The following NUDCD3 variants were observed in gnomAD, a reference collection of about 807,000 sequenced individuals.
The protein encoded by NUDCD3 is NudC domain containing 3, also known as nudC domain-containing protein 3.
In NUDCD3, 13 loss-of-function variants were observed where a neutral mutation model predicts 39.7. The ratio of observed to expected loss-of-function variants is 0.33; its 90% CI spans 0.21 to 0.52. The LOEUF (loss-of-function observed/expected upper bound fraction) is 0.52. Ranked by LOEUF, NUDCD3 falls within the 20% of genes least tolerant of loss-of-function variation. The pLI, the probability that NUDCD3 is intolerant of heterozygous loss-of-function variation, is 0.96. For synonymous variants in NUDCD3, 175 were observed against 172.4 expected (o/e 1.02, Z -0.12); for missense variants, 453 against 458.1 (o/e 0.99, Z 0.10).
intron 3 of NUDCD3, among the ~76,000 whole-genome samples, chr7:44,423,217 T>C (rs1053935084): frequency 6.6e-6 from 1 of 152,212 alleles, no homozygotes; most frequent in African/African-American, 2.4e-5. Context: ...AAGCACTGCC[T>C]TTGAAAAGCG....
At chr7:44,425,447 T>C (rs1799215830) in intron 3 of NUDCD3, among the ~76,000 whole-genome samples, 3 of 152,244 alleles carry the variant, frequency 2.0e-5, no homozygotes, top group African/African-American at 2.4e-5. Context: ...ATTTAAATTA[T>C]GTAATGTCCC....
At chr7:44,436,433 C>T (rs1799465240) in intron 2 of NUDCD3, among the ~76,000 whole-genome samples, 1 of 152,106 alleles carries the variant, frequency 6.6e-6, no homozygotes, top group Non-Finnish European at 1.5e-5. Flanking sequence ...TTTGTCTTGG[C>T]TATACAACTA....
chr7:44,461,404 T>C (rs572404979), intron 2 of NUDCD3, among the ~76,000 whole-genome samples: 5 of 152,274 alleles, frequency 3.3e-5, no homozygotes, highest in African/African-American at 1.2e-4. Flanking sequence ...GATGGGAGGA[T>C]AGAAGGGCAA....
At chr7:44,449,956 G>A (rs1009879586) in intron 2 of NUDCD3, among the ~76,000 whole-genome samples, 68 of 151,482 alleles carry the variant, frequency 4.5e-4, no homozygotes, top group Non-Finnish European at 2.9e-4. Context: ...AAGACTGGGA[G>A]AAAATATTTG....
intron 3 of NUDCD3, among the ~76,000 whole-genome samples, chr7:44,417,924 A>G (rs1799058100): frequency 6.6e-6 from 1 of 152,202 alleles, no homozygotes; most frequent in Non-Finnish European, 1.5e-5. Flanking sequence ...TTGAGCACAC[A>G]GCTACTTGCT....
chr7:44,461,880 TG>T (rs1301652795), intron 2 of NUDCD3, among the ~76,000 whole-genome samples: 1 of 152,074 alleles, frequency 6.6e-6, no homozygotes, highest in Non-Finnish European at 1.5e-5. Flanking sequence ...GAAGGGGTCC[TG>T]GAAGGCAAGG....
chr7:44,478,984 A>C (rs1052802180), intron 2 of NUDCD3, among the ~76,000 whole-genome samples: 13 of 152,250 alleles, frequency 8.5e-5, no homozygotes, highest in African/African-American at 3.1e-4. Context: ...GGGAGGCCTC[A>C]GAAAACTTAC....
intron 4 of NUDCD3, among the ~76,000 whole-genome samples, chr7:44,396,982 A>T (rs1798637523): frequency 6.6e-6 from 1 of 152,074 alleles, no homozygotes. Flanking sequence ...TTATTTTTTT[A>T]AAGTCAAGTT....
At chr7:44,397,671 A>G (rs184865420) in intron 4 of NUDCD3, among the ~76,000 whole-genome samples, 41 of 152,318 alleles carry the variant, frequency 2.7e-4, no homozygotes, top group African/African-American at 9.4e-4. Context: ...AGACACCCAT[A>G]CAAGTGTTTA....
chr7:44,399,139 G>A (rs1393083897), intron 4 of NUDCD3, among the ~76,000 whole-genome samples: 1 of 152,184 alleles, frequency 6.6e-6, no homozygotes. Context: ...TGAAACGAGG[G>A]TGCCCAGCAC....
intron 3 of NUDCD3, among the ~76,000 whole-genome samples, chr7:44,425,272 C>T (rs912397079): frequency 2.0e-5 from 3 of 151,980 alleles, no homozygotes; most frequent in Non-Finnish European, 4.4e-5. Context: ...AACAAACCTG[C>T]ATGTTCAGCA....
chr7:44,398,667 C>A (rs551578561), intron 4 of NUDCD3, among the ~76,000 whole-genome samples: 1 of 152,230 alleles, frequency 6.6e-6, no homozygotes, highest in Non-Finnish European at 1.5e-5. Context: ...AGTAACGGAA[C>A]CTCATTTCTA....
rs1473039389 is a variant in NUDCD3, at chr7:44,490,495, G to A, written c.106C>T (p.Arg36Cys). The change falls in exon 1 of 6, where the codon CGC becomes TGC. Residue 36 changes from arginine (R) to cysteine (C), a missense_variant. By Grantham distance (180) the Arg-to-Cys change is radical. Coordinates refer to ENST00000355451, the MANE Select transcript of NUDCD3 (RefSeq NM_015332.4). ...FLRVLFGFLY[R>C]KTDFYRLLRH... The stretch of plus-strand genomic sequence containing the variant: ...AGCAAGCGATAGAAGTCTGTCTTGC[G>A]GTAGAGGAAGCCAAAGAGAACGCGC... 6.2e-7 allele frequency: 1 copy of A among 1,609,820 alleles called. No homozygotes were observed. Among genetic ancestry groups the A allele is most frequent in the Non-Finnish European group, 8.5e-7 (1 of 1,178,386 alleles).
chr7:44,455,240 G>A (rs988802655), intron 2 of NUDCD3, among the ~76,000 whole-genome samples: 6 of 151,802 alleles, frequency 4.0e-5, no homozygotes, highest in Admixed American at 1.3e-4. Flanking sequence ...CAGTTATCTC[G>A]TAGCTGAAGT....
intron 2 of NUDCD3, among the ~76,000 whole-genome samples, chr7:44,432,678 A>G (rs1585075197): frequency 6.6e-6 from 1 of 152,200 alleles, no homozygotes; most frequent in African/African-American, 2.4e-5. Context: ...GTCTCTTGCA[A>G]TCAATCCTGT....
chr7:44,466,858 A>G (rs1402699694), intron 2 of NUDCD3, among the ~76,000 whole-genome samples: 5 of 152,188 alleles, frequency 3.3e-5, no homozygotes, highest in Non-Finnish European at 7.4e-5. Context: ...CTTCCCATGA[A>G]TCACTAGGTC....
chr7:44,385,913 C>T lies in NUDCD3; in HGVS notation c.*98G>A, dbSNP rs1585045872. 1 of 705,932 alleles carries T rather than the reference C, an allele frequency of 1.4e-6. No individual in the cohort carries two copies. Among genetic ancestry groups the T allele is most frequent in the East Asian group, 2.6e-5 (1 of 38,910 alleles). 43.7% of individuals were successfully genotyped at this position (705,932 alleles called of 1,614,324 possible). A position where few individuals can be genotyped will look rare whatever the true frequency, so the allele number is the denominator to read the frequency against. On this transcript the variant is annotated 3_prime_UTR_variant, in exon 6 of 6. Transcript: ENST00000355451. ...GAAAGAAAGGATGGCTAGGGGTAAA[C>T]AAGACGAGCAAGTCCCTGGAATGCA...
chr7:44,386,989 A>G (rs527396225), intron 5 of NUDCD3, among the ~76,000 whole-genome samples: 55 of 152,110 alleles, frequency 3.6e-4, no homozygotes, highest in South Asian at 2.1e-3. Flanking sequence ...CCTTCTGACC[A>G]CAAGAGACAA....
intron 2 of NUDCD3, among the ~76,000 whole-genome samples, chr7:44,464,325 C>T (rs1022600580): frequency 5.9e-5 from 9 of 152,046 alleles, no homozygotes; most frequent in South Asian, 4.2e-4. Context: ...AGAAAAAGAG[C>T]GCCACAGTCC....
Sources: gnomAD v4.1 joint callset for allele counts (sites outside exome capture counted in the v4.1 genomes callset) on GRCh38, gnomAD v4.1.1 for gene constraint, MANE v1.5 for transcripts, NCBI Gene and HGNC (gene_info 2026-07-23, HGNC 2026-07-21) for gene names.